Variants in ZDHHC11B observed in about 807,000 individuals in gnomAD.
ZDHHC11B encodes zDHHC palmitoyltransferase 11B (putative).
ZDHHC11B carries 17 observed loss-of-function variants against 42.3 expected under a neutral mutation model. That is an observed-to-expected ratio of 0.40 (90% CI 0.27 to 0.60). ZDHHC11B has a LOEUF of 0.60. Among genes scored for constraint, ZDHHC11B ranks in the 20% least tolerant of loss-of-function variants. ZDHHC11B has a pLI of 0.41. For synonymous variants in ZDHHC11B, 123 were observed against 193.5 expected (o/e 0.64, Z 3.02); for missense variants, 262 against 463.2 (o/e 0.57, Z 3.99).
At chr5:751,309 G>A in intron 6 of ZDHHC11B, 52 bp from the exon 7 acceptor site, 1 of 557,700 alleles carries the variant, frequency 1.8e-6, no homozygotes, top group Non-Finnish European at 2.4e-6. Flanking sequence ...GGAGCAGTGG[G>A]GGCGCAGGGG....
chr5:776,833 G>C (rs1389494509), intron 1 of ZDHHC11B, among the ~76,000 whole-genome samples: 3 of 151,880 alleles, frequency 2.0e-5, no homozygotes, highest in Non-Finnish European at 4.4e-5. Context: ...GAGCCCATTT[G>C]GGTGCAGCAC....
intron 7 of ZDHHC11B, among the ~76,000 whole-genome samples, chr5:750,784 C>A (rs1235035614): frequency 7.7e-6 from 1 of 129,788 alleles, no homozygotes; most frequent in Non-Finnish European, 1.7e-5. Context: ...GCACCCCCAC[C>A]CTCCCACAGC....
At chr5:766,648 G>T (rs776605101) in intron 4 of ZDHHC11B, 50 bp downstream of exon 4, 46 of 1,538,748 alleles carry the variant, frequency 3.0e-5, no homozygotes, top group Admixed American at 1.1e-4. Context: ...CCATCGCAGG[G>T]TCCTCCAGGA....
intron 12 of ZDHHC11B, 116 bp from the exon 13 acceptor site, chr5:716,981 C>G (rs986301754): frequency 6.9e-7 from 1 of 1,442,862 alleles, no homozygotes; most frequent in Non-Finnish European, 9.6e-7. Flanking sequence ...TAGCTTGTGA[C>G]GTGGGCAATC....
intron 8 of ZDHHC11B, among the ~76,000 whole-genome samples, chr5:746,309 G>A (rs1356842876): frequency 5.4e-5 from 8 of 147,316 alleles, no homozygotes; most frequent in African/African-American, 1.7e-4. Flanking sequence ...GCTGCCTGTG[G>A]CCAGCCCAGC....
chr5:718,695 CAAAAAAAAAAAAAAAAA>C (rs1741960805), intron 12 of ZDHHC11B, among the ~76,000 whole-genome samples: 1 of 117,166 alleles, frequency 8.5e-6, no homozygotes, highest in African/African-American at 3.2e-5. Flanking sequence ...GACTCTGTCT[CAAAAAAAAAAAAAAAAA>C]GGAAAAAGAA....
intron 4 of ZDHHC11B, among the ~76,000 whole-genome samples, chr5:762,690 A>G (rs1393902451): frequency 6.6e-6 from 1 of 151,806 alleles, no homozygotes; most frequent in African/African-American, 2.4e-5. Flanking sequence ...ATAGCTTTAA[A>G]CACACATTAA....
intron 12 of ZDHHC11B, 43 bp downstream of exon 12, chr5:730,391 T>C (rs757105489): frequency 1.3e-6 from 2 of 1,567,506 alleles, no homozygotes; most frequent in Non-Finnish European, 1.7e-6. Flanking sequence ...TTCAGGCAAG[T>C]GTACAGACAG....
chr5:752,622 A>T (rs111575764), intron 6 of ZDHHC11B, among the ~76,000 whole-genome samples: 1 of 96,224 alleles, frequency 1.0e-5, no homozygotes, highest in African/African-American at 2.9e-5. Context: ...CCGAAGACGC[A>T]GTTAGGGCAC....
intron 4 of ZDHHC11B, among the ~76,000 whole-genome samples, chr5:760,067 G>T (rs1289854458): frequency 6.6e-6 from 1 of 151,924 alleles, no homozygotes; most frequent in African/African-American, 2.4e-5. Flanking sequence ...GTGTGGAGTG[G>T]GGGGTACAGG....
At chr5:761,136 A>G (rs1455000535) in intron 4 of ZDHHC11B, among the ~76,000 whole-genome samples, 2 of 151,856 alleles carry the variant, frequency 1.3e-5, no homozygotes, top group African/African-American at 4.8e-5. Context: ...GGGCTGTTGG[A>G]GAATGTTGGC....
chr5:724,190 C>T (rs1160764068), intron 12 of ZDHHC11B, among the ~76,000 whole-genome samples: 3 of 151,052 alleles, frequency 2.0e-5, no homozygotes, highest in East Asian at 1.9e-4. Flanking sequence ...AACACACTTA[C>T]GTGTTCCATC....
intron 4 of ZDHHC11B, 116 bp downstream of exon 4, chr5:766,582 C>T (rs781247058): frequency 1.7e-6 from 2 of 1,168,648 alleles, no homozygotes; most frequent in Non-Finnish European, 1.2e-6. Context: ...ATAGTCTGGC[C>T]CAGGACAGGT....
Position 765,818 on chromosome 5 carries a change from C to T in ZDHHC11B, c.222+880G>A, listed in dbSNP as rs531121652. Among the ~76,000 whole-genome samples, 191 of 151,962 alleles carry T rather than the reference C, an allele frequency of 1.3e-3. 2 individuals carry two copies. Among genetic ancestry groups the T allele is most frequent in the Non-Finnish European group, 2.3e-3 (159 of 67,914 alleles). ...CAGAAGGAACAAACTCCAGACACGC[C>T]GCCTTTAAGAACTGTAACACTCACC... is the stretch of plus-strand genomic sequence containing the variant. On this transcript the variant is annotated intron_variant, in intron 4 of 13. Transcript: ENST00000508859.
chr5:778,477 C>T (rs1424978976), intron 1 of ZDHHC11B, among the ~76,000 whole-genome samples: 21 of 150,856 alleles, frequency 1.4e-4, no homozygotes, highest in African/African-American at 5.1e-4. Flanking sequence ...TTACAGAACA[C>T]TGCAGAACCA....
chr5:716,773 A>G lies in ZDHHC11B; in HGVS notation c.*7+28T>C, dbSNP rs1248387489. 19 of 1,612,636 alleles carry G rather than the reference A, an allele frequency of 1.2e-5. 1 individual carries two copies. The highest frequency in any genetic ancestry group is 1.4e-5 in the Non-Finnish European group (16 of 1,179,358). On this transcript the variant is annotated intron_variant, in intron 13 of 13. Transcript: ENST00000508859. Reference sequence around the variant, plus strand: ...GAGAACCAAACTTGGGTAGATTTCAACATGACCTGCACTGCCACGTATCTT... The same window carrying G: ...GAGAACCAAACTTGGGTAGATTTCAGCATGACCTGCACTGCCACGTATCTT...
Position 739,704 on chromosome 5 carries a change from C to T in ZDHHC11B, c.935+1890G>A, listed in dbSNP as rs1222525014. 7.5e-5 allele frequency among the ~76,000 whole-genome samples: 11 copies of T among 145,796 alleles called. No homozygotes were observed. The South Asian group carries it at 9.7e-4, about 13-fold the overall frequency. Reference sequence around the variant, plus strand: ...AGTACAACTACTATAAAAAACAGTACGGAGATTCTGTAAAGAACTTAAAGG... The same window carrying T: ...AGTACAACTACTATAAAAAACAGTATGGAGATTCTGTAAAGAACTTAAAGG... On this transcript the variant is annotated intron_variant, in intron 10 of 13. Coordinates refer to ENST00000508859, the MANE Select transcript of ZDHHC11B (RefSeq NM_001351303.2).
rs1169734315 is a variant in ZDHHC11B, at chr5:742,656, CAT to C, written c.901-1030_901-1029del. On this transcript the variant is annotated intron_variant, in intron 9 of 13. Coordinates refer to ENST00000508859, the MANE Select transcript of ZDHHC11B (RefSeq NM_001351303.2). The stretch of plus-strand genomic sequence containing the variant: ...TTTTTAGACATAACACTGTTGCACA[CAT>C]GTCATGTAAACGTAACTTTTATAAG... 1.3e-4 allele frequency among the ~76,000 whole-genome samples: 19 copies of C among 149,954 alleles called. 2 individuals carry two copies. Among genetic ancestry groups the C allele is most frequent in the South Asian group, 8.9e-4 (4 of 4,500 alleles).
At chr5:776,886 G>A (rs1276027096) in intron 1 of ZDHHC11B, among the ~76,000 whole-genome samples, 14 of 151,962 alleles carry the variant, frequency 9.2e-5, no homozygotes, top group Admixed American at 5.2e-4. Flanking sequence ...ATCATCGCAC[G>A]GCCCTCCTGC....
Sources: allele counts gnomAD v4.1 joint callset (sites outside exome capture counted in the v4.1 genomes callset), GRCh38; gene constraint gnomAD v4.1.1; transcripts MANE v1.5; gene names NCBI Gene and HGNC (gene_info 2026-07-23, HGNC 2026-07-21).